The following HDGFL3 variants were observed in gnomAD, a reference collection of about 807,000 sequenced individuals.
HDGFL3 encodes the protein HDGF like 3.
HDGFL3 carries 6 observed loss-of-function variants against 27.6 expected under a neutral mutation model. That is an observed-to-expected ratio of 0.22 (90% confidence interval 0.12 to 0.43). The LOEUF is 0.43. HDGFL3 is among the 20% of genes least tolerant of loss of function. HDGFL3 has a pLI of 1.00. For missense variants in HDGFL3, 207 were observed against 250.1 expected (o/e 0.83, Z 1.16); for synonymous variants, 88 against 88.9 (o/e 0.99, Z 0.05).
In HDGFL3 at chr15:83,175,405, T is replaced by C. The variant is rs569170500; in HGVS notation, c.85-11330A>G. Among the ~76,000 whole-genome samples, 10 of 152,366 alleles carry C rather than the reference T, an allele frequency of 6.6e-5. No homozygotes were observed. The South Asian group carries it at 2.1e-3, about 32-fold the overall frequency. The stretch of plus-strand genomic sequence containing the variant: ...CACCAAGATGTTCAAGTATCTACAC[T>C]TTCCTAAGCCATTTAAAGTGTACAC... On this transcript the variant is annotated intron_variant, in intron 1 of 5. Coordinates refer to ENST00000299633, the MANE Select transcript of HDGFL3 (RefSeq NM_016073.4).
intron 1 of HDGFL3, among the ~76,000 whole-genome samples, chr15:83,177,790 G>A (rs990066741): frequency 6.6e-6 from 1 of 152,056 alleles, no homozygotes; most frequent in South Asian, 2.1e-4. Context: ...TATTATGCAC[G>A]TTCATGAACT....
At chr15:83,182,751 T>A (rs2037395560) in intron 1 of HDGFL3, among the ~76,000 whole-genome samples, 1 of 152,188 alleles carries the variant, frequency 6.6e-6, no homozygotes, top group South Asian at 2.1e-4. Flanking sequence ...AAATTTTACC[T>A]CAAAAGTTTA....
rs1234746444 is a variant in HDGFL3, at chr15:83,122,219, G to C, written c.394-6478C>G. ...GATGTGTGCATTGAACAATTTGGCA[G>C]TCAAGTTATCAGGGATTCCTGTTTT... On this transcript the variant is annotated intron_variant, in intron 3 of 3. Transcript: ENST00000568294. Among the ~76,000 whole-genome samples the C allele has an allele frequency of 1.3e-5, 2 of 152,194 alleles. 1 individual carries two copies. Among genetic ancestry groups the C allele is most frequent in the African/African-American group, 4.8e-5 (2 of 41,452 alleles).
intron 5 of HDGFL3, among the ~76,000 whole-genome samples, chr15:83,145,081 T>TA (rs2036863822): frequency 6.6e-6 from 1 of 151,992 alleles, no homozygotes; most frequent in Non-Finnish European, 1.5e-5. Context: ...GGGACCCTCG[T>TA]AAAAATCTCT....
At chr15:83,163,856 A>C in intron 2 of HDGFL3, 143 bp downstream of exon 2, 2 of 614,574 alleles carry the variant, frequency 3.3e-6, no homozygotes, top group Non-Finnish European at 2.9e-6. Flanking sequence ...ATTTACATTA[A>C]CAAAAATACA....
At chr15:83,177,432 C>T (rs1229061110) in intron 1 of HDGFL3, among the ~76,000 whole-genome samples, 3 of 152,188 alleles carry the variant, frequency 2.0e-5, no homozygotes, top group Admixed American at 2.0e-4. Context: ...ATATAAGGTC[C>T]ACTGTTAAGC....
At chr15:83,122,129 A>G (rs2035313887) in intron 3 of HDGFL3, 1 of 790,260 alleles carries the variant, frequency 1.3e-6, no homozygotes, top group Non-Finnish European at 2.0e-6. Context: ...CCTGTTTTGC[A>G]GAATAATTCC....
intron 1 of HDGFL3, among the ~76,000 whole-genome samples, chr15:83,195,451 G>C (rs1160537287): frequency 6.6e-6 from 1 of 151,628 alleles, no homozygotes; most frequent in Non-Finnish European, 1.5e-5. Flanking sequence ...TATTGTCATC[G>C]AGATCTACAT....
At chr15:83,196,545 A>T (rs1440489838) in intron 1 of HDGFL3, among the ~76,000 whole-genome samples, 1 of 152,134 alleles carries the variant, frequency 6.6e-6, no homozygotes, top group Non-Finnish European at 1.5e-5. Flanking sequence ...CCAATTATTC[A>T]AATCTACATC....
At chr15:83,186,043 G>A (rs563369371) in intron 1 of HDGFL3, 2 of 152,350 alleles carry the variant, frequency 1.3e-5, no homozygotes, top group South Asian at 2.1e-4. Flanking sequence ...AACAACCCAT[G>A]AAGAACTGAA....
intron 1 of HDGFL3, among the ~76,000 whole-genome samples, chr15:83,186,406 T>C (rs1446488351): frequency 6.6e-6 from 1 of 152,190 alleles, no homozygotes; most frequent in Non-Finnish European, 1.5e-5. Context: ...ATTAACCTAT[T>C]GTAATTTCCA....
rs542855423 is a variant in HDGFL3, at chr15:83,187,340, T to TTG, written c.84+19989_84+19990dup. ...ATGTTACACGGGCAGAGTTTTTTTT[T>TTG]TGTGTGTGTGTGTGGAGAACTACTC... is the stretch of plus-strand genomic sequence containing the variant. On this transcript the variant is annotated intron_variant, in intron 1 of 5. Coordinates refer to ENST00000299633, the MANE Select transcript of HDGFL3 (RefSeq NM_016073.4). Among the ~76,000 whole-genome samples, 890 of 151,526 alleles carry TTG rather than the reference T, an allele frequency of 5.9e-3. 5 individuals carry two copies. Among genetic ancestry groups the TTG allele is most frequent in the South Asian group, 0.021 (99 of 4,796 alleles).
intron 1 of HDGFL3, among the ~76,000 whole-genome samples, chr15:83,184,265 CCAATT>C (rs547270581): frequency 2.0e-5 from 3 of 152,264 alleles, no homozygotes; most frequent in Admixed American, 6.5e-5. Context: ...ATAGGGCTTT[CCAATT>C]TGGAGGTAAT....
At chr15:83,143,204 G>A (rs2036816026) in intron 5 of HDGFL3, among the ~76,000 whole-genome samples, 1 of 152,094 alleles carries the variant, frequency 6.6e-6, no homozygotes, top group South Asian at 2.1e-4. Flanking sequence ...TAGAGATGGG[G>A]TTTCACCATG....
At chr15:83,141,524 A>AT (rs2036770869) in intron 5 of HDGFL3, among the ~76,000 whole-genome samples, 1 of 152,234 alleles carries the variant, frequency 6.6e-6, no homozygotes, top group East Asian at 1.9e-4. Flanking sequence ...CAATGATAAA[A>AT]TTTGAGTGTT....
chr15:83,207,263 G>C lies in HDGFL3; in HGVS notation c.84+68C>G. On this transcript the variant is annotated intron_variant, in intron 1 of 5. Coordinates refer to ENST00000299633, the MANE Select transcript of HDGFL3 (RefSeq NM_016073.4). This position sits in a 1 kb window ranked among gnomAD's most constrained non-coding sequence, Gnocchi z 4.8. ...TCGGGGCTGAGGCGATGGGGAAAGGGGGCGGGCGCGCCATCATGAAGGGGA... is the reference window on the plus strand; with the variant it reads ...TCGGGGCTGAGGCGATGGGGAAAGGCGGCGGGCGCGCCATCATGAAGGGGA... The C allele has an allele frequency of 9.0e-7, 1 of 1,111,606 alleles. No homozygotes were observed. Among genetic ancestry groups the C allele is most frequent in the Non-Finnish European group, 1.2e-6 (1 of 849,542 alleles). The allele number at this position is 1,111,606 out of a possible 1,614,324, so 68.9% of individuals were successfully genotyped here. A position where few individuals can be genotyped will look rare whatever the true frequency, so the allele number is the denominator to read the frequency against.
downstream of HDGFL3, among the ~76,000 whole-genome samples, chr15:83,126,080 A>G (rs914437353): frequency 1.3e-5 from 2 of 152,154 alleles, no homozygotes; most frequent in African/African-American, 4.8e-5. Context: ...AAATGTGTGC[A>G]TGTGTGGGGG....
At chr15:83,126,138 C>T (rs139063792), downstream of HDGFL3, among the ~76,000 whole-genome samples, 55 of 152,260 alleles carry the variant, frequency 3.6e-4, no homozygotes, top group Non-Finnish European at 7.4e-4. Flanking sequence ...TTTTTACCAA[C>T]TCTGTCATTG....
chr15:83,119,043 G>C (rs2034969332), intron 3 of HDGFL3, among the ~76,000 whole-genome samples: 1 of 152,132 alleles, frequency 6.6e-6, no homozygotes, highest in Non-Finnish European at 1.5e-5. Flanking sequence ...CTGGGTTGTT[G>C]GGAAGGTAGA....
Sources: allele counts gnomAD v4.1 joint callset (sites outside exome capture counted in the v4.1 genomes callset), GRCh38; gene constraint gnomAD v4.1.1; non-coding constraint Gnocchi (gnomAD v3.1); transcripts MANE v1.5; gene names NCBI Gene and HGNC (gene_info 2026-07-23, HGNC 2026-07-21).